The following ATRNL1 variants were observed in gnomAD, a reference collection of about 807,000 sequenced individuals.
ATRNL1 encodes the protein attractin-like protein 1.
In ATRNL1, 95 loss-of-function variants were observed where a neutral mutation model predicts 182.7. The observed-to-expected ratio is 0.52, with a 90% CI of 0.44 to 0.62. The LOEUF (loss-of-function observed/expected upper bound fraction) is 0.62. ATRNL1 is among the 20% of genes least tolerant of loss of function. The probability of loss-of-function intolerance (pLI) is 0.00; values close to 1 mark genes in which losing one functional copy is unlikely to be tolerated. For synonymous variants in ATRNL1, 576 were observed against 568.3 expected (o/e 1.01, Z -0.19); for missense variants, 1,471 against 1,679.5 (o/e 0.88, Z 2.17).
chr10:115,412,779 G>C (rs1845206814), intron 20 of ATRNL1, among the ~76,000 whole-genome samples: 2 of 152,154 alleles, frequency 1.3e-5, no homozygotes, highest in Non-Finnish European at 2.9e-5. Flanking sequence ...ACAGTAGACT[G>C]TTACAGAATA....
chr10:115,171,302 T>G lies in ATRNL1; in HGVS notation c.1348+10T>G. The G allele has an allele frequency of 6.5e-7, 1 of 1,533,330 alleles. No homozygotes were observed. The highest frequency in any genetic ancestry group is 8.9e-7 in the Non-Finnish European group (1 of 1,128,444). 95.0% of individuals were successfully genotyped at this position (1,533,330 alleles called of 1,614,324 possible). A position where few individuals can be genotyped will look rare whatever the true frequency, so the allele number is the denominator to read the frequency against. On this transcript the variant is annotated intron_variant, in intron 8 of 28. Coordinates refer to ENST00000355044, the MANE Select transcript of ATRNL1 (RefSeq NM_207303.4). ...CAGGAATACCATATCTGTGAGTTAC[T>G]TAAAAATTGTAATTTCTTTATTGAT...
At chr10:115,907,945 G>A (rs977834485) in intron 28 of ATRNL1, among the ~76,000 whole-genome samples, 9 of 152,136 alleles carry the variant, frequency 5.9e-5, no homozygotes, top group South Asian at 4.2e-4. Flanking sequence ...AGCATACACC[G>A]TCTTATTGAT....
At chr10:115,918,847 A>G (rs1952958420) in intron 28 of ATRNL1, among the ~76,000 whole-genome samples, 1 of 152,204 alleles carries the variant, frequency 6.6e-6, no homozygotes, top group Admixed American at 6.5e-5. Flanking sequence ...TTGGATAGGC[A>G]GAGGTAATAA....
intron 8 of ATRNL1, among the ~76,000 whole-genome samples, chr10:115,201,471 C>T (rs1277133273): frequency 1.3e-5 from 2 of 152,086 alleles, no homozygotes; most frequent in Non-Finnish European, 2.9e-5. Flanking sequence ...TTCCCAGCAC[C>T]ATTTATTAAA....
chr10:115,748,291 G>A (rs1419438251), intron 27 of ATRNL1, among the ~76,000 whole-genome samples: 2 of 151,412 alleles, frequency 1.3e-5, no homozygotes, highest in African/African-American at 4.8e-5. Context: ...AAGGGTAACA[G>A]GTCATCATGC....
chr10:115,871,068 C>CT (rs1227700946), intron 28 of ATRNL1, among the ~76,000 whole-genome samples: 3 of 151,978 alleles, frequency 2.0e-5, no homozygotes, highest in African/African-American at 4.8e-5. Context: ...AAAAGGAATG[C>CT]TTTTTTTCAA....
At chr10:115,390,238 A>C (rs141359042) in intron 19 of ATRNL1, among the ~76,000 whole-genome samples, 241 of 152,140 alleles carry the variant, frequency 1.6e-3, no homozygotes, top group African/African-American at 5.5e-3. Context: ...TTTGTTTTGC[A>C]TGTGCTTTTG....
At chr10:115,898,265 G>A (rs1952259005) in intron 28 of ATRNL1, among the ~76,000 whole-genome samples, 1 of 152,296 alleles carries the variant, frequency 6.6e-6, no homozygotes, top group South Asian at 2.1e-4. Context: ...ATGTATGCAT[G>A]TGAATTGTCT....
At chr10:115,101,615 T>C (rs1843772156) in intron 1 of ATRNL1, among the ~76,000 whole-genome samples, 1 of 152,210 alleles carries the variant, frequency 6.6e-6, no homozygotes. Context: ...AAGTTTTATT[T>C]AGAATTTTTG....
At chr10:115,499,375 T>C (rs1554979418) in intron 24 of ATRNL1, among the ~76,000 whole-genome samples, 3 of 152,192 alleles carry the variant, frequency 2.0e-5, no homozygotes, top group African/African-American at 7.2e-5. Flanking sequence ...TTAGCTAAAA[T>C]GAAACTATTT....
chr10:115,514,137 T>G (rs997902345), intron 24 of ATRNL1, among the ~76,000 whole-genome samples: 5 of 152,002 alleles, frequency 3.3e-5, no homozygotes, highest in Non-Finnish European at 7.4e-5. Flanking sequence ...AGTACTTTAC[T>G]TAATGTTCAA....
chr10:115,553,248 T>C (rs1039959927), intron 26 of ATRNL1, among the ~76,000 whole-genome samples: 3 of 151,326 alleles, frequency 2.0e-5, no homozygotes, highest in Non-Finnish European at 4.5e-5. Flanking sequence ...AAATGTAGCA[T>C]GTCTCTGTGA....
At chr10:115,232,323 G>A (rs1849988885) in intron 9 of ATRNL1, among the ~76,000 whole-genome samples, 1 of 151,804 alleles carries the variant, frequency 6.6e-6, no homozygotes, top group Non-Finnish European at 1.5e-5. Flanking sequence ...GTCCTATTTT[G>A]GTTTTAATTT....
intron 9 of ATRNL1, among the ~76,000 whole-genome samples, chr10:115,232,149 T>C (rs143921980): frequency 5.0e-4 from 76 of 152,292 alleles, no homozygotes; most frequent in African/African-American, 1.8e-3. Context: ...TATAAATGCT[T>C]GTTCATGCTC....
intron 9 of ATRNL1, among the ~76,000 whole-genome samples, chr10:115,224,236 A>G (rs1849608238): frequency 6.6e-6 from 1 of 151,884 alleles, no homozygotes; most frequent in Non-Finnish European, 1.5e-5. Context: ...CGCCTGGCCA[A>G]AAAACCCTAG....
At chr10:115,311,382 T>C (rs1554927761) in intron 17 of ATRNL1, among the ~76,000 whole-genome samples, 2 of 152,022 alleles carry the variant, frequency 1.3e-5, no homozygotes, top group Admixed American at 6.6e-5. Flanking sequence ...TAGAAACCGG[T>C]TTCACCATGT....
chr10:115,614,979 G>A (rs1446521486), intron 26 of ATRNL1, among the ~76,000 whole-genome samples: 5 of 151,500 alleles, frequency 3.3e-5, no homozygotes, highest in Admixed American at 2.0e-4. Flanking sequence ...AATCAATTCA[G>A]CAGTTCTGTA....
intron 25 of ATRNL1, among the ~76,000 whole-genome samples, chr10:115,525,874 T>G (rs1851185450): frequency 6.6e-6 from 1 of 152,172 alleles, no homozygotes; most frequent in South Asian, 2.1e-4. Context: ...TTAAATCTGG[T>G]CATACTTCCA....
chr10:115,762,669 A>G (rs1948761690), intron 27 of ATRNL1, among the ~76,000 whole-genome samples: 1 of 152,120 alleles, frequency 6.6e-6, no homozygotes, highest in East Asian at 1.9e-4. Flanking sequence ...AGTATATAAC[A>G]TTATATAAAT....
Sources: allele counts gnomAD v4.1 joint callset (sites outside exome capture counted in the v4.1 genomes callset), GRCh38; gene constraint gnomAD v4.1.1; transcripts MANE v1.5; gene names NCBI Gene and HGNC (gene_info 2026-07-23, HGNC 2026-07-21).